Variants in GPC5 observed in about 807,000 individuals in gnomAD.
GPC5 encodes the protein glypican 5, also known as glypican-5.
A neutral mutation model predicts 53.9 loss-of-function variants in GPC5; 47 were observed. The observed-to-expected ratio is 0.87, with a 90% confidence interval of 0.69 to 1.11. The LOEUF (loss-of-function observed/expected upper bound fraction) is 1.11. Ranked by LOEUF, GPC5 falls within the 50% of genes most tolerant of loss-of-function variation. GPC5 has a pLI of 0.00. For missense variants in GPC5, 748 were observed against 713.1 expected, an observed-to-expected ratio of 1.05 and a Z score of -0.56; for synonymous variants, 286 against 263.3, an observed-to-expected ratio of 1.09 and a Z score of -0.84.
At chr13:92,557,428 T>C (rs1243162662) in intron 7 of GPC5, among the ~76,000 whole-genome samples, 1 of 151,884 alleles carries the variant, frequency 6.6e-6, no homozygotes, top group African/African-American at 2.4e-5. Flanking sequence ...AAAAGTAAAT[T>C]AGATAATACT....
intron 7 of GPC5, among the ~76,000 whole-genome samples, chr13:92,173,016 T>C (rs1165171294): frequency 1.9e-5 from 2 of 108,080 alleles, no homozygotes; most frequent in Non-Finnish European, 4.3e-5. Context: ...TTAAGTCTTA[T>C]TACATGTTAT....
At chr13:92,401,320 T>C (rs1025105475) in intron 7 of GPC5, among the ~76,000 whole-genome samples, 2 of 151,880 alleles carry the variant, frequency 1.3e-5, no homozygotes, top group African/African-American at 4.8e-5. Flanking sequence ...TGTAGATGTA[T>C]ATTAAATAAG....
At chr13:91,659,887 C>A (rs945572733) in intron 2 of GPC5, among the ~76,000 whole-genome samples, 4 of 152,084 alleles carry the variant, frequency 2.6e-5, no homozygotes, top group Non-Finnish European at 5.9e-5. Context: ...ATGAAGACTA[C>A]CTAAATCAGA....
At chr13:91,473,313 C>T (rs12866836) in intron 2 of GPC5, among the ~76,000 whole-genome samples, 3 of 152,018 alleles carry the variant, frequency 2.0e-5, no homozygotes, top group East Asian at 3.9e-4. Flanking sequence ...CATATCAAGG[C>T]CCTGTTCCCA....
At chr13:92,575,932 G>A (rs932312456) in intron 7 of GPC5, among the ~76,000 whole-genome samples, 2 of 152,150 alleles carry the variant, frequency 1.3e-5, no homozygotes, top group African/African-American at 4.8e-5. Context: ...TTCCGCAGAT[G>A]CAATGGCATC....
intron 5 of GPC5, among the ~76,000 whole-genome samples, chr13:91,845,621 G>C (rs2038839932): frequency 6.6e-6 from 1 of 152,076 alleles, no homozygotes; most frequent in African/African-American, 2.4e-5. Flanking sequence ...CACAGACAAG[G>C]GCTTTTGGCT....
intron 6 of GPC5, among the ~76,000 whole-genome samples, chr13:91,944,505 T>C (rs2039957613): frequency 6.6e-6 from 1 of 152,222 alleles, no homozygotes; most frequent in Non-Finnish European, 1.5e-5. Flanking sequence ...CTATTCTAGA[T>C]GAGGCAATCA....
At chr13:91,774,343 A>G (rs1046435756) in intron 5 of GPC5, among the ~76,000 whole-genome samples, 3 of 152,144 alleles carry the variant, frequency 2.0e-5, no homozygotes, top group Non-Finnish European at 4.4e-5. Context: ...AAGAATTTCT[A>G]TGTGATTTTA....
At chr13:92,433,516 G>A (rs1877180937) in intron 7 of GPC5, among the ~76,000 whole-genome samples, 1 of 152,188 alleles carries the variant, frequency 6.6e-6, no homozygotes. Flanking sequence ...AGCTAGTGTT[G>A]TAATTGGAGA....
At chr13:91,765,218 A>G (rs2037499587) in intron 5 of GPC5, among the ~76,000 whole-genome samples, 1 of 152,242 alleles carries the variant, frequency 6.6e-6, no homozygotes. Context: ...AGCTCCAAGG[A>G]TCCTTCAACA....
chr13:92,161,538 C>T (rs2041988121), intron 7 of GPC5, among the ~76,000 whole-genome samples: 1 of 152,002 alleles, frequency 6.6e-6, no homozygotes, highest in Non-Finnish European at 1.5e-5. Flanking sequence ...TGTGTATATT[C>T]AAAAGATCAA....
chr13:92,519,878 C>G (rs1189582156), intron 7 of GPC5, among the ~76,000 whole-genome samples: 1 of 150,826 alleles, frequency 6.6e-6, no homozygotes, highest in Non-Finnish European at 1.5e-5. Context: ...TGATAGACTG[C>G]TAGCAAGACT....
intron 2 of GPC5, among the ~76,000 whole-genome samples, chr13:91,637,925 G>A (rs9523389): frequency 0.49 from 74,493 of 152,066 alleles, 21,148 homozygotes; most frequent in Non-Finnish European, 0.62. Flanking sequence ...CTTCTCCTGT[G>A]TTCCCTCTAT....
chr13:91,709,842 G>T (rs1274306711), intron 3 of GPC5, among the ~76,000 whole-genome samples: 1 of 152,078 alleles, frequency 6.6e-6, no homozygotes, highest in African/African-American at 2.4e-5. Flanking sequence ...TCATGCATTG[G>T]CTGGACCACA....
At chr13:91,794,464 C>T (rs1367715515) in intron 5 of GPC5, among the ~76,000 whole-genome samples, 1 of 152,244 alleles carries the variant, frequency 6.6e-6, no homozygotes, top group African/African-American at 2.4e-5. Flanking sequence ...GGCTCTGGAT[C>T]ACCAGCTTCC....
chr13:92,762,924 A>G (rs1345824038), intron 7 of GPC5, among the ~76,000 whole-genome samples: 4 of 151,680 alleles, frequency 2.6e-5, no homozygotes, highest in African/African-American at 4.8e-5. Flanking sequence ...ATTTCATTCA[A>G]TGAATTCTTT....
At chr13:92,632,292 C>T (rs1327650036) in intron 7 of GPC5, among the ~76,000 whole-genome samples, 3 of 152,036 alleles carry the variant, frequency 2.0e-5, no homozygotes, top group African/African-American at 7.2e-5. Flanking sequence ...ACAGAAATTT[C>T]ATAAGCATCA....
chr13:92,625,544 T>A (rs1333198527), intron 7 of GPC5, among the ~76,000 whole-genome samples: 1 of 152,174 alleles, frequency 6.6e-6, no homozygotes, highest in African/African-American at 2.4e-5. Flanking sequence ...TGGAGTTCAG[T>A]GGAAAAGAAC....
intron 7 of GPC5, among the ~76,000 whole-genome samples, chr13:92,760,291 G>A (rs1165350087): frequency 6.6e-6 from 1 of 152,028 alleles, no homozygotes; most frequent in African/African-American, 2.4e-5. Flanking sequence ...GGTAGAATTA[G>A]GCCCTAATGC....
Sources: gnomAD v4.1 joint callset for allele counts (sites outside exome capture counted in the v4.1 genomes callset) on GRCh38, gnomAD v4.1.1 for gene constraint, MANE v1.5 for transcripts, NCBI Gene and HGNC (gene_info 2026-07-23, HGNC 2026-07-21) for gene names.